IFT81: variants seen among roughly 807,000 people sequenced by gnomAD.
IFT81 encodes the protein intraflagellar transport protein 81 homolog.
IFT81 carries 72 observed loss-of-function variants against 102.6 expected under a neutral mutation model. The ratio of observed to expected loss-of-function variants is 0.70; its 90% CI spans 0.58 to 0.85. IFT81 has a LOEUF of 0.85. Ranked by LOEUF, IFT81 falls within the 40% of genes least tolerant of loss-of-function variation. IFT81 has a pLI of 0.00. For synonymous variants in IFT81, 237 were observed against 242.7 expected, an observed-to-expected ratio of 0.98 and a Z score of 0.22; for missense variants, 723 against 787.3, an observed-to-expected ratio of 0.92 and a Z score of 0.98.
At chr12:110,178,757 A>C (rs1897155600) in intron 11 of IFT81, among the ~76,000 whole-genome samples, 1 of 2,456 alleles carries the variant, frequency 4.1e-4, no homozygotes, top group Non-Finnish European at 9.7e-4. Context: ...CTGGGACTAC[A>C]GGCACATGCC....
At chr12:110,175,389 T>C (rs1454590906) in intron 11 of IFT81, among the ~76,000 whole-genome samples, 1 of 152,232 alleles carries the variant, frequency 6.6e-6, no homozygotes, top group Non-Finnish European at 1.5e-5. Context: ...GAAGGTCTGC[T>C]CTGGAGCAGT....
chr12:110,145,851 C>T (rs1312862652), intron 9 of IFT81, among the ~76,000 whole-genome samples: 1 of 151,966 alleles, frequency 6.6e-6, no homozygotes, highest in African/African-American at 2.4e-5. Context: ...CACTCTGTCA[C>T]CCAGGCTGGA....
At chr12:110,212,582 A>G (rs1375540932) in intron 18 of IFT81, among the ~76,000 whole-genome samples, 3 of 151,562 alleles carry the variant, frequency 2.0e-5, no homozygotes, top group African/African-American at 4.9e-5. Flanking sequence ...CATGCCTGTA[A>G]TCCCAGCACT....
intron 18 of IFT81, among the ~76,000 whole-genome samples, chr12:110,217,332 A>G (rs1168821500): frequency 6.6e-6 from 1 of 152,076 alleles, no homozygotes; most frequent in Non-Finnish European, 1.5e-5. Context: ...GTCGTGAGCC[A>G]CCATGCCTGG....
intron 9 of IFT81, among the ~76,000 whole-genome samples, chr12:110,144,038 C>G (rs1895047858): frequency 1.8e-5 from 2 of 112,692 alleles, no homozygotes; most frequent in South Asian, 3.0e-4. Context: ...TGAGACAGTA[C>G]TTGCTCTGTT....
chr12:110,205,519 GAC>G lies in IFT81; in HGVS notation c.1716+7_1716+8del. On this transcript the variant is annotated splice_donor_region_variant and intron_variant, in intron 16 of 18. Coordinates refer to ENST00000242591, the MANE Select transcript of IFT81 (RefSeq NM_014055.4). The stretch of plus-strand genomic sequence containing the variant: ...TATACAAATTGTATGATTAAGGTAA[GAC>G]AAAGTAGATCAAAAACATTTCTGAG... 1 of 1,594,844 alleles carries G rather than the reference GAC, an allele frequency of 6.3e-7. No homozygotes were observed. Among genetic ancestry groups the G allele is most frequent in the Non-Finnish European group, 8.5e-7 (1 of 1,173,688 alleles).
chr12:110,215,945 C>G (rs150267544), intron 18 of IFT81, among the ~76,000 whole-genome samples: 1 of 152,126 alleles, frequency 6.6e-6, no homozygotes, highest in East Asian at 1.9e-4. Context: ...GTACTATTTT[C>G]GTAATCACTG....
chr12:110,147,102 C>A, intron 10 of IFT81, 54 bp downstream of exon 10: 2 of 1,382,976 alleles, frequency 1.4e-6, no homozygotes, highest in Non-Finnish European at 2.0e-6. Flanking sequence ...ATTCATGAAC[C>A]ACTGGCTGTG....
intron 3 of IFT81, among the ~76,000 whole-genome samples, chr12:110,128,383 T>C (rs1047295571): frequency 1.3e-5 from 2 of 149,740 alleles, no homozygotes; most frequent in Non-Finnish European, 1.5e-5. Context: ...CATTTTATCC[T>C]TTATCTGCCA....
intron 11 of IFT81, among the ~76,000 whole-genome samples, chr12:110,176,588 C>T (rs577587111): frequency 3.3e-4 from 50 of 152,196 alleles, no homozygotes; most frequent in African/African-American, 1.2e-3. Flanking sequence ...CAAAAATAAC[C>T]TAAAATCCAA....
At chr12:110,175,975 C>A (rs1897018243) in intron 11 of IFT81, among the ~76,000 whole-genome samples, 1 of 152,098 alleles carries the variant, frequency 6.6e-6, no homozygotes, top group Non-Finnish European at 1.5e-5. Context: ...ACTACTCCAG[C>A]CTCCTTCTTT....
chr12:110,197,904 G>T (rs923551812), intron 14 of IFT81, among the ~76,000 whole-genome samples: 1 of 152,002 alleles, frequency 6.6e-6, no homozygotes, highest in Admixed American at 6.6e-5. Context: ...TAGAGATGGG[G>T]TTTCTCCATG....
Position 110,127,393 on chromosome 12 carries a change from A to G in IFT81, c.13A>G (p.Ile5Val). 2 of 1,581,680 alleles carry G rather than the reference A, an allele frequency of 1.3e-6. No homozygotes were observed. The highest frequency in any genetic ancestry group is 2.3e-5 in the East Asian group (1 of 44,160). ...ATAAGACCTAATTATGAGTGATCAA[A>G]TTAAATTCATTATGGACAGTCTCAA... MSDQ[I>V]KFIMDSLNKE... The change falls in exon 2 of 19, where the codon ATT (isoleucine) becomes GTT (valine). Residue 5 changes from isoleucine to valine, a missense_variant. Ile to Val is a conservative substitution (Grantham distance 29). Transcript: ENST00000242591.
intron 10 of IFT81, among the ~76,000 whole-genome samples, chr12:110,153,818 C>G (rs994385956): frequency 3.3e-5 from 5 of 150,646 alleles, no homozygotes; most frequent in African/African-American, 1.2e-4. Flanking sequence ...CATGTCTCTA[C>G]TAAAGGTCAG....
Position 110,135,027 on chromosome 12 carries a change from AG to A in IFT81, c.585+15del. On this transcript the variant is annotated intron_variant, in intron 6 of 18. Coordinates refer to ENST00000242591, the MANE Select transcript of IFT81 (RefSeq NM_014055.4). ...TTGAAGAAAAGGGTAAGGCAGAATT[AG>A]TACTGTAAGACTTTGGCCCCAAGTC... The A allele has an allele frequency of 6.3e-7, 1 of 1,584,734 alleles. No homozygotes were observed. Among genetic ancestry groups the A allele is most frequent in the Non-Finnish European group, 8.6e-7 (1 of 1,163,602 alleles).
At chr12:110,139,391 T>A (rs1025150463) in intron 8 of IFT81, among the ~76,000 whole-genome samples, 1 of 150,266 alleles carries the variant, frequency 6.7e-6, no homozygotes, top group African/African-American at 2.5e-5. Context: ...CTGCATGTAT[T>A]TGGTATGGTT....
At chr12:110,142,324 T>A (rs1193414273) in intron 8 of IFT81, among the ~76,000 whole-genome samples, 1 of 152,062 alleles carries the variant, frequency 6.6e-6, no homozygotes, top group Non-Finnish European at 1.5e-5. Context: ...TGTGCCACCA[T>A]GCCCGGCTAA....
chr12:110,180,506 T>A lies in IFT81; in HGVS notation c.1273T>A (p.Phe425Ile), dbSNP rs1209820956. The change falls in exon 12 of 19, where the codon TTC becomes ATC. Residue 425 changes from phenylalanine to isoleucine, a missense_variant. Physicochemically the swap from Phe to Ile is conservative, Grantham distance 21. Coordinates refer to ENST00000242591, the MANE Select transcript of IFT81 (RefSeq NM_014055.4). The stretch of plus-strand genomic sequence containing the variant: ...GATAATAGCTGAACTTAAAGCTGAA[T>A]TCGGTCTTTTGCAGAGGACTGAAGA... The part of the protein sequence containing the change: ...HQIIAELKAE[F>I]GLLQRTEELL... The A allele has an allele frequency of 6.2e-7, 1 of 1,611,294 alleles. No individual in the cohort carries two copies. The highest frequency in any genetic ancestry group is 8.5e-7 in the Non-Finnish European group (1 of 1,177,938).
intron 13 of IFT81, among the ~76,000 whole-genome samples, chr12:110,192,054 C>G (rs1323250842): frequency 1.3e-5 from 2 of 151,956 alleles, no homozygotes; most frequent in Non-Finnish European, 2.9e-5. Flanking sequence ...TCCTGTAGTT[C>G]CAGCTTCTCA....
Sources: gnomAD v4.1 joint callset for allele counts (sites outside exome capture counted in the v4.1 genomes callset) on GRCh38, gnomAD v4.1.1 for gene constraint, MANE v1.5 for transcripts, NCBI Gene and HGNC (gene_info 2026-07-23, HGNC 2026-07-21) for gene names.